Variants in EPC2 observed in about 807,000 individuals in gnomAD.
The protein encoded by EPC2 is enhancer of polycomb 2.
Under a neutral mutation model 92.1 loss-of-function variants are expected in EPC2, and 14 were observed. The observed-to-expected ratio is 0.15, with a 90% CI of 0.10 to 0.24. The LOEUF (loss-of-function observed/expected upper bound fraction) is 0.24, where lower values mean the gene tolerates loss of function less well. Among genes scored for constraint, EPC2 ranks in the 10% least tolerant of loss-of-function variants. EPC2 has a pLI of 1.00. For synonymous variants in EPC2, 340 were observed against 334.7 expected (o/e 1.02, Z -0.17); for missense variants, 755 against 971.5 (o/e 0.78, Z 2.96).
chr2:148,733,893 G>C (rs549736518), intron 2 of EPC2, among the ~76,000 whole-genome samples: 41 of 152,288 alleles, frequency 2.7e-4, no homozygotes, highest in African/African-American at 9.6e-4. Flanking sequence ...CTGCAGGCCA[G>C]ACTTGTCTCA....
At chr2:148,680,531 A>G (rs1183218204) in intron 1 of EPC2, among the ~76,000 whole-genome samples, 1 of 152,178 alleles carries the variant, frequency 6.6e-6, no homozygotes, top group African/African-American at 2.4e-5. Flanking sequence ...TTGAGGCCGG[A>G]TATTTATTTC....
intron 2 of EPC2, among the ~76,000 whole-genome samples, chr2:148,715,479 G>C (rs1682239264): frequency 6.6e-6 from 1 of 152,170 alleles, no homozygotes; most frequent in Non-Finnish European, 1.5e-5. Flanking sequence ...ATTAAATAGG[G>C]AATTCTTTCC....
intron 2 of EPC2, chr2:148,692,167 A>T (rs78516414): frequency 4.5e-6 from 1 of 220,416 alleles, no homozygotes; most frequent in Admixed American, 5.3e-5. Context: ...TGGATGTGCT[A>T]TTGAAGTCTT....
intron 2 of EPC2, among the ~76,000 whole-genome samples, chr2:148,699,098 A>C (rs544653809): frequency 6.6e-6 from 1 of 152,158 alleles, no homozygotes; most frequent in Non-Finnish European, 1.5e-5. Flanking sequence ...GTAAACTAGT[A>C]ATTTGAATTA....
In EPC2 at chr2:148,644,929, A is replaced by C; in HGVS notation, c.-89A>C. 6 of 1,123,468 alleles carry C rather than the reference A, an allele frequency of 5.3e-6. No homozygotes were observed. Among genetic ancestry groups the C allele is most frequent in the Admixed American group, 2.0e-5 (1 of 49,076 alleles). The allele number at this position is 1,123,468 out of a possible 1,614,324, so 69.6% of individuals were successfully genotyped here. On this transcript the variant is annotated 5_prime_UTR_variant, in exon 1 of 14. Transcript: ENST00000258484. ...CGGGCCGGCCGCGCTGCACTGAGGAAGGAGGTGGAGGAGGCGGCGGGAGTC... is the reference window on the plus strand; with the variant it reads ...CGGGCCGGCCGCGCTGCACTGAGGACGGAGGTGGAGGAGGCGGCGGGAGTC...
intron 1 of EPC2, among the ~76,000 whole-genome samples, chr2:148,683,913 T>A (rs1054139822): frequency 6.6e-6 from 1 of 152,250 alleles, no homozygotes; most frequent in African/African-American, 2.4e-5. Flanking sequence ...TCAAATCTAC[T>A]TTTAGTTCTT....
At chr2:148,717,425 A>G (rs142600759) in intron 2 of EPC2, among the ~76,000 whole-genome samples, 1 of 152,094 alleles carries the variant, frequency 6.6e-6, no homozygotes, top group Non-Finnish European at 1.5e-5. Flanking sequence ...CATCCCAGAG[A>G]TTCTGGTACA....
In EPC2 at chr2:148,709,809, C is replaced by T. The variant is rs1045369261; in HGVS notation, c.313+19436C>T. 3.3e-5 allele frequency among the ~76,000 whole-genome samples: 5 copies of T among 152,096 alleles called. No homozygotes were observed. The South Asian group carries it at 8.3e-4, about 25-fold the overall frequency. On this transcript the variant is annotated intron_variant, in intron 2 of 13. Transcript: ENST00000258484. ...GGCCAGCCATGTATGGAAAGCTGAA[C>T]CTGGATCCCTTCCTTACATCTTATA... is the stretch of plus-strand genomic sequence containing the variant.
intron 11 of EPC2, among the ~76,000 whole-genome samples, chr2:148,782,049 T>A (rs531784173): frequency 6.6e-6 from 1 of 152,162 alleles, no homozygotes; most frequent in East Asian, 1.9e-4. Flanking sequence ...TAATTATATA[T>A]GTAGTTGTAA....
At chr2:148,768,102 T>G (rs963414258) in intron 7 of EPC2, among the ~76,000 whole-genome samples, 17 of 152,160 alleles carry the variant, frequency 1.1e-4, no homozygotes, top group Non-Finnish European at 2.2e-4. Flanking sequence ...TACCACAGTT[T>G]GGAAATAATA....
intron 4 of EPC2, among the ~76,000 whole-genome samples, chr2:148,757,072 G>A (rs548281234): frequency 6.6e-6 from 1 of 152,254 alleles, no homozygotes; most frequent in South Asian, 2.1e-4. Context: ...TGAACTTGTG[G>A]TTTTTAATAT....
At chr2:148,694,551 A>C (rs1681706214) in intron 2 of EPC2, among the ~76,000 whole-genome samples, 1 of 152,202 alleles carries the variant, frequency 6.6e-6, no homozygotes, top group African/African-American at 2.4e-5. Context: ...TGGGTTCCTC[A>C]ACCCAAATGT....
rs111358826 is a variant in EPC2 at position 148,734,910 on chromosome 2, G to GT, written c.314-8702dup. On this transcript the variant is annotated intron_variant, in intron 2 of 13. Coordinates refer to ENST00000258484, the MANE Select transcript of EPC2 (RefSeq NM_015630.4). Reference sequence around the variant, plus strand: ...GCTGAGTATAATTTCATGTTCTACAGTTTTTTTTTTATCATTGAAGGACAT... The same window carrying GT: ...GCTGAGTATAATTTCATGTTCTACAGTTTTTTTTTTTATCATTGAAGGACAT... Among the ~76,000 whole-genome samples, 486 of 143,830 alleles carry GT rather than the reference G, an allele frequency of 3.4e-3. 2 individuals carry two copies. Among genetic ancestry groups the GT allele is most frequent in the South Asian group, 9.3e-3 (42 of 4,538 alleles). The allele number at this position is 143,830 out of a possible 152,430, so 94.4% of individuals were successfully genotyped here.
chr2:148,723,612 CT>C (rs1682426649), intron 2 of EPC2, among the ~76,000 whole-genome samples: 1 of 152,154 alleles, frequency 6.6e-6, no homozygotes. Context: ...TTTGTTCAGC[CT>C]TTTATATGTT....
Position 148,762,700 on chromosome 2 carries a change from C to A in EPC2, c.846C>A (p.Ile282=). ...ATTTGGGAGACTATGGTGGTGAAAT[C>A]CTTAATGAAGTAAAAATCAGTAGAT... ...RYHLGDYGGE[I]LNEVKISRSE... The change falls in exon 6 of 14, where the codon ATC becomes ATA. Residue 282 remains isoleucine (I), a synonymous_variant. Transcript: ENST00000258484. 1 of 1,607,826 alleles carries A rather than the reference C, an allele frequency of 6.2e-7. No homozygotes were observed. Among genetic ancestry groups the A allele is most frequent in the South Asian group, 1.1e-5 (1 of 89,880 alleles).
At chr2:148,775,314 G>A (rs896048791) in intron 10 of EPC2, among the ~76,000 whole-genome samples, 1 of 151,930 alleles carries the variant, frequency 6.6e-6, no homozygotes, top group Non-Finnish European at 1.5e-5. Context: ...AATAGCACAT[G>A]CAAATATTAC....
At chr2:148,686,617 A>G (rs1681531512) in intron 1 of EPC2, among the ~76,000 whole-genome samples, 1 of 152,266 alleles carries the variant, frequency 6.6e-6, no homozygotes, top group African/African-American at 2.4e-5. Flanking sequence ...TTTCTTAAAT[A>G]AAAACTTGAA....
intron 1 of EPC2, among the ~76,000 whole-genome samples, chr2:148,667,420 G>T (rs116189793): frequency 0.025 from 3,832 of 152,210 alleles, 55 homozygotes; most frequent in East Asian, 0.032. Context: ...TCAGTGTCCT[G>T]TTGTTTGTAA....
intron 2 of EPC2, among the ~76,000 whole-genome samples, chr2:148,714,791 A>G (rs540977301): frequency 2.0e-5 from 3 of 152,148 alleles, no homozygotes; most frequent in Non-Finnish European, 4.4e-5. Flanking sequence ...AGTTCCTTGT[A>G]GATGCTGGAA....
Sources: allele counts gnomAD v4.1 joint callset (sites outside exome capture counted in the v4.1 genomes callset), GRCh38; gene constraint gnomAD v4.1.1; transcripts MANE v1.5; gene names NCBI Gene and HGNC (gene_info 2026-07-23, HGNC 2026-07-21).